The following ATG14 variants were observed in gnomAD, a reference collection of about 807,000 sequenced individuals.
The protein encoded by ATG14 is beclin 1-associated autophagy-related key regulator.
In ATG14, 35 loss-of-function variants were observed where a neutral mutation model predicts 60.4. That is an observed-to-expected ratio of 0.58 (90% CI 0.44 to 0.77). The LOEUF is 0.77. Ranked by LOEUF, ATG14 falls within the 30% of genes least tolerant of loss-of-function variation. ATG14 has a pLI of 0.00. For synonymous variants in ATG14, 234 were observed against 228.8 expected (o/e 1.02, Z -0.21); for missense variants, 647 against 626.3 (o/e 1.03, Z -0.35).
chr14:55,396,773 T>C (rs1018477004), intron 2 of ATG14, among the ~76,000 whole-genome samples: 2 of 152,152 alleles, frequency 1.3e-5, no homozygotes, highest in Non-Finnish European at 2.9e-5. Context: ...GAAGGTTCTA[T>C]AGGACAATTC....
At chr14:55,381,195 T>G (rs1215899616) in intron 6 of ATG14, among the ~76,000 whole-genome samples, 1 of 152,142 alleles carries the variant, frequency 6.6e-6, no homozygotes, top group Non-Finnish European at 1.5e-5. Flanking sequence ...CACCTCTGTC[T>G]TGGTCACCTT....
chr14:55,393,991 T>C (rs572125292), intron 3 of ATG14, among the ~76,000 whole-genome samples: 2 of 151,758 alleles, frequency 1.3e-5, no homozygotes, highest in Non-Finnish European at 2.9e-5. Context: ...TTTTAACAAC[T>C]ACACAGTATC....
Position 55,411,465 on chromosome 14 carries a change from G to T in ATG14, c.221+137C>A, listed in dbSNP as rs568901161. On this transcript the variant is annotated intron_variant, in intron 1 of 9. Transcript: ENST00000247178. ...GGTAGCAAAGCTCCGGTGCAGAGCA[G>T]CTAGCTACACTCCCTCTCTCTCGCT... 650 of 870,202 alleles carry T rather than the reference G, an allele frequency of 7.5e-4. 1 individual carries two copies. Among genetic ancestry groups the T allele is most frequent in the Non-Finnish European group, 1.0e-3 (588 of 577,386 alleles). 53.9% of individuals were successfully genotyped at this position (870,202 alleles called of 1,614,324 possible). A position where few individuals can be genotyped will look rare whatever the true frequency, so the allele number is the denominator to read the frequency against.
At chr14:55,407,799 A>C (rs1288272893) in intron 1 of ATG14, among the ~76,000 whole-genome samples, 1 of 152,206 alleles carries the variant, frequency 6.6e-6, no homozygotes, top group Non-Finnish European at 1.5e-5. Flanking sequence ...ATAGGGGAAA[A>C]GATGGAGGTG....
rs1884727713 is a variant in ATG14, at chr14:55,368,235, T to C, written c.*1384A>G. ...CCTGCTGAGGGAAATTCTTTTTTTT[T>C]TTGAGACGGAGTTTCGCTCTTGTTG... On this transcript the variant is annotated 3_prime_UTR_variant, in exon 10 of 10. Transcript: ENST00000247178. The C allele has an allele frequency of 6.5e-6, 1 of 152,700 alleles. No individual in the cohort carries two copies. Among genetic ancestry groups the C allele is most frequent in the Non-Finnish European group, 1.5e-5 (1 of 68,112 alleles). 9.5% of individuals were successfully genotyped at this position (152,700 alleles called of 1,614,324 possible). A position where few individuals can be genotyped will look rare whatever the true frequency, so the allele number is the denominator to read the frequency against.
In ATG14 at chr14:55,369,773, C is replaced by T. The variant is rs1884770787; in HGVS notation, c.1325G>A (p.Arg442Gln). The T allele has an allele frequency of 1.3e-5, 21 of 1,614,032 alleles. No individual in the cohort carries two copies. Among genetic ancestry groups the T allele is most frequent in the Non-Finnish European group, 1.7e-5 (20 of 1,180,028 alleles). The change falls in exon 10 of 10, where the codon CGG becomes CAG. Residue 442 changes from arginine to glutamine, a missense_variant. Physicochemically the swap from Arg to Gln is conservative, Grantham distance 43. Transcript: ENST00000247178. Reference sequence around the variant, plus strand: ...AGACTGGGAAGGGATATCACAAAACCGGGGACTAGGCAAGTTCTCCCAGTC... The same window carrying T: ...AGACTGGGAAGGGATATCACAAAACTGGGGACTAGGCAAGTTCTCCCAGTC... ...GTDWENLPSP[R>Q]FCDIPSQSVE...
chr14:55,376,570 G>C (rs1262142487), intron 9 of ATG14, among the ~76,000 whole-genome samples: 3 of 152,132 alleles, frequency 2.0e-5, no homozygotes, highest in African/African-American at 7.2e-5. Context: ...AGGTGGGGAG[G>C]GGGAGGAAGC....
chr14:55,380,711 C>A, intron 6 of ATG14, 21 bp from the exon 7 acceptor site: 1 of 1,516,836 alleles, frequency 6.6e-7, no homozygotes, highest in Non-Finnish European at 9.0e-7. Context: ...AAAACAACCA[C>A]CATGTACAAA....
chr14:55,408,370 G>A (rs975625569), intron 1 of ATG14, among the ~76,000 whole-genome samples: 5 of 152,108 alleles, frequency 3.3e-5, no homozygotes, highest in African/African-American at 1.2e-4. Flanking sequence ...CAGGAGAATC[G>A]CTTGAGAACA....
intron 9 of ATG14, 112 bp from the exon 10 acceptor site, chr14:55,370,037 C>A: frequency 3.0e-6 from 3 of 1,012,794 alleles, no homozygotes; most frequent in African/African-American, 3.2e-5. Context: ...CCGCACACCC[C>A]ATTCATTCCC....
chr14:55,368,226 C>CT lies in ATG14; in HGVS notation c.*1392dup, dbSNP rs552931513. The CT allele has an allele frequency of 0.018, 2,623 of 147,318 alleles. 59 individuals are homozygous for CT. Among genetic ancestry groups the CT allele is most frequent in the African/African-American group, 0.046 (1,854 of 40,272 alleles). 9.1% of individuals were successfully genotyped at this position (147,318 alleles called of 1,614,324 possible). A position where few individuals can be genotyped will look rare whatever the true frequency, so the allele number is the denominator to read the frequency against. On this transcript the variant is annotated 3_prime_UTR_variant, in exon 10 of 10. Coordinates refer to ENST00000247178, the MANE Select transcript of ATG14 (RefSeq NM_014924.5). ...AAATGATCTCCTGCTGAGGGAAATT[C>CT]TTTTTTTTTTTGAGACGGAGTTTCG...
At chr14:55,409,827 T>G (rs1257715196) in intron 1 of ATG14, among the ~76,000 whole-genome samples, 1 of 152,098 alleles carries the variant, frequency 6.6e-6, no homozygotes. Flanking sequence ...TGAACAGAAA[T>G]GGAGGAGTAG....
At chr14:55,397,584 C>G (rs796210206) in intron 1 of ATG14, 150 bp from the exon 2 acceptor site, 2 of 653,432 alleles carry the variant, frequency 3.1e-6, no homozygotes, top group African/African-American at 3.6e-5. Flanking sequence ...ACGGGGTGCA[C>G]ACAACTGCTA....
intron 1 of ATG14, among the ~76,000 whole-genome samples, chr14:55,402,949 ATATATATATATATATATAT>A (rs1885431228): frequency 1.3e-5 from 1 of 79,376 alleles, no homozygotes; most frequent in East Asian, 3.5e-4. Flanking sequence ...ATATATATAT[ATATATATATATATATATAT>A]AAATAGCTGG....
At position 55,367,754 on chromosome 14, in the gene ATG14, A is replaced by AAG. The variant is rs1195911176; in HGVS notation, c.*1864_*1865insCT. On this transcript the variant is annotated 3_prime_UTR_variant, in exon 10 of 10. Transcript: ENST00000247178. ...GTGAGACTCCGTCTCCAAAAAAAAA[A>AAG]AAGACCACCCACAACGAGAAAAGCC... 1 of 152,114 alleles carries AAG rather than the reference A, an allele frequency of 6.6e-6. No individual in the cohort carries two copies. Among genetic ancestry groups the AAG allele is most frequent in the East Asian group, 1.9e-4 (1 of 5,206 alleles). 9.4% of individuals were successfully genotyped at this position (152,114 alleles called of 1,614,324 possible).
At chr14:55,390,101 G>A (rs907378437) in intron 4 of ATG14, among the ~76,000 whole-genome samples, 1 of 152,194 alleles carries the variant, frequency 6.6e-6, no homozygotes, top group East Asian at 1.9e-4. Context: ...ACAGAGTTTT[G>A]CTCTTGTTGC....
intron 9 of ATG14, among the ~76,000 whole-genome samples, chr14:55,371,748 G>C (rs1360264323): frequency 6.6e-6 from 1 of 151,946 alleles, no homozygotes; most frequent in African/African-American, 2.4e-5. Flanking sequence ...AGCTTGCAGT[G>C]AGCCGAGATG....
chr14:55,397,492 C>T, intron 1 of ATG14, 58 bp from the exon 2 acceptor site: 2 of 1,333,820 alleles, frequency 1.5e-6, no homozygotes, highest in Non-Finnish European at 2.1e-6. Context: ...TTCAATGAGA[C>T]TATGCAAATT....
rs1488682210 is a variant in ATG14, at chr14:55,366,701, C to T, written c.*2918G>A. The T allele has an allele frequency of 6.6e-6, 1 of 152,496 alleles. No homozygotes were observed. The highest frequency in any genetic ancestry group is 2.4e-5 in the African/African-American group (1 of 41,418). 9.4% of individuals were successfully genotyped at this position (152,496 alleles called of 1,614,324 possible). ...ACCATTTTAAGCAGCCTGTTTGGTG[C>T]CTGTGGGTTTTTATTAGTATTACTT... is the stretch of plus-strand genomic sequence containing the variant. On this transcript the variant is annotated 3_prime_UTR_variant, in exon 10 of 10. Transcript: ENST00000247178.
Sources: gnomAD v4.1 joint callset for allele counts (sites outside exome capture counted in the v4.1 genomes callset) on GRCh38, gnomAD v4.1.1 for gene constraint, MANE v1.5 for transcripts, NCBI Gene and HGNC (gene_info 2026-07-23, HGNC 2026-07-21) for gene names.